Variants in EFNA5 observed in about 807,000 individuals in gnomAD.
EFNA5 encodes the protein ephrin-A5.
In EFNA5, 5 loss-of-function variants were observed where a neutral mutation model predicts 22.9. That is an observed-to-expected ratio of 0.22 (90% CI 0.11 to 0.46). The LOEUF is 0.46. EFNA5 is among the 20% of genes least tolerant of loss of function. EFNA5 has a pLI of 0.99. For missense variants in EFNA5, 237 were observed against 293.3 expected (o/e 0.81, Z 1.40); for synonymous variants, 113 against 112.2 (o/e 1.01, Z -0.04).
chr5:107,403,731 A>G (rs1386315807), intron 2 of EFNA5, among the ~76,000 whole-genome samples: 1 of 152,200 alleles, frequency 6.6e-6, no homozygotes, highest in African/African-American at 2.4e-5. Context: ...AGATTTTTCA[A>G]AGGTTATTCA....
chr5:107,417,075 G>C (rs1207443258), intron 2 of EFNA5, among the ~76,000 whole-genome samples: 3 of 152,026 alleles, frequency 2.0e-5, no homozygotes, highest in African/African-American at 4.8e-5. Context: ...AATTGGGCAA[G>C]TTAAAAACAA....
At chr5:107,480,029 A>C (rs1485906281) in intron 1 of EFNA5, among the ~76,000 whole-genome samples, 1 of 152,246 alleles carries the variant, frequency 6.6e-6, no homozygotes, top group Non-Finnish European at 1.5e-5. Context: ...ATACTGATTT[A>C]ATTCTACAAT....
intron 1 of EFNA5, among the ~76,000 whole-genome samples, chr5:107,536,352 T>A (rs1438752548): frequency 6.6e-6 from 1 of 152,210 alleles, no homozygotes; most frequent in Non-Finnish European, 1.5e-5. Flanking sequence ...TGATATTTTT[T>A]CTTTAGCAAC....
At chr5:107,444,828 A>T (rs152597) in intron 1 of EFNA5, among the ~76,000 whole-genome samples, 56,054 of 151,910 alleles carry the variant, frequency 0.37, 10,403 homozygotes, top group East Asian at 0.53. Flanking sequence ...GTTTCCTATG[A>T]ATTTGCTCCC....
intron 1 of EFNA5, among the ~76,000 whole-genome samples, chr5:107,522,999 T>C (rs2112444810): frequency 6.6e-6 from 1 of 152,332 alleles, no homozygotes; most frequent in South Asian, 2.1e-4. Flanking sequence ...TAATTTCCAC[T>C]GATACAGATT....
At chr5:107,634,025 G>T (rs1750317147) in intron 1 of EFNA5, among the ~76,000 whole-genome samples, 1 of 152,170 alleles carries the variant, frequency 6.6e-6, no homozygotes, top group South Asian at 2.1e-4. Flanking sequence ...AAGTTATTCA[G>T]ACTTTAACAA....
intron 1 of EFNA5, among the ~76,000 whole-genome samples, chr5:107,590,137 G>A (rs1244217217): frequency 1.3e-5 from 2 of 152,090 alleles, no homozygotes; most frequent in African/African-American, 4.8e-5. Context: ...GTCATATTGA[G>A]CCATCTACCA....
chr5:107,656,687 T>G (rs1343515979), intron 1 of EFNA5, among the ~76,000 whole-genome samples: 5 of 152,134 alleles, frequency 3.3e-5, no homozygotes, highest in Non-Finnish European at 7.4e-5. Context: ...TTATATCAGT[T>G]TTTAAAGTCC....
chr5:107,429,467 T>C (rs1748891852), intron 1 of EFNA5, among the ~76,000 whole-genome samples: 1 of 151,884 alleles, frequency 6.6e-6, no homozygotes, highest in African/African-American at 2.4e-5. Flanking sequence ...AAGAAAGAAA[T>C]AGACCACCTT....
chr5:107,580,336 T>C (rs754408442), intron 1 of EFNA5, among the ~76,000 whole-genome samples: 6 of 152,222 alleles, frequency 3.9e-5, no homozygotes, highest in Non-Finnish European at 5.9e-5. Context: ...TCAACTCATT[T>C]TCTCCAGCTA....
chr5:107,614,662 T>G (rs966863012), intron 1 of EFNA5, among the ~76,000 whole-genome samples: 1 of 152,152 alleles, frequency 6.6e-6, no homozygotes, highest in Non-Finnish European at 1.5e-5. Context: ...GCTTTCAGGA[T>G]AGTCATGCCA....
chr5:107,561,425 A>G (rs1200220041), intron 1 of EFNA5, among the ~76,000 whole-genome samples: 5 of 152,034 alleles, frequency 3.3e-5, no homozygotes, highest in South Asian at 2.1e-4. Flanking sequence ...CTGGAGTGCA[A>G]TGGCGCTATC....
intron 1 of EFNA5, among the ~76,000 whole-genome samples, chr5:107,527,370 T>C (rs1020897569): frequency 2.0e-5 from 3 of 151,476 alleles, no homozygotes; most frequent in African/African-American, 7.3e-5. Flanking sequence ...CACTGCAACA[T>C]CTGCCTCCCA....
chr5:107,398,446 C>A (rs1293276933), intron 2 of EFNA5, among the ~76,000 whole-genome samples: 2 of 152,114 alleles, frequency 1.3e-5, no homozygotes, highest in East Asian at 1.9e-4. Context: ...AAGGCAGGAG[C>A]CATGCCAAGT....
At chr5:107,423,713 G>A (rs1748734719) in intron 2 of EFNA5, among the ~76,000 whole-genome samples, 1 of 152,080 alleles carries the variant, frequency 6.6e-6, no homozygotes, top group Non-Finnish European at 1.5e-5. Flanking sequence ...AATAACTCCT[G>A]TAGATTAAAA....
chr5:107,399,663 C>T (rs1009910516), intron 2 of EFNA5, among the ~76,000 whole-genome samples: 5 of 152,176 alleles, frequency 3.3e-5, no homozygotes, highest in Non-Finnish European at 7.3e-5. Context: ...TCATGAAGAT[C>T]AGAGAAACCT....
At chr5:107,526,768 T>TA (rs1747702388) in intron 1 of EFNA5, among the ~76,000 whole-genome samples, 1 of 152,168 alleles carries the variant, frequency 6.6e-6, no homozygotes, top group African/African-American at 2.4e-5. Flanking sequence ...GGTCATGTAG[T>TA]AAAAATGGAA....
intron 1 of EFNA5, among the ~76,000 whole-genome samples, chr5:107,525,521 T>C (rs1415823369): frequency 2.0e-5 from 3 of 152,320 alleles, no homozygotes; most frequent in Non-Finnish European, 2.9e-5. Context: ...GTTTTACTGA[T>C]AACATAAACA....
Position 107,380,953 on chromosome 5 carries a change from G to T in EFNA5, c.*302C>A. Reference sequence around the variant, plus strand: ...TAGAGGAGAATGCACAGGAGCTGACGAACCACTGGTGTCACTATGACAATT... The same window carrying T: ...TAGAGGAGAATGCACAGGAGCTGACTAACCACTGGTGTCACTATGACAATT... On this transcript the variant is annotated 3_prime_UTR_variant, in exon 5 of 5. Coordinates refer to ENST00000333274, the MANE Select transcript of EFNA5 (RefSeq NM_001962.3). The T allele has an allele frequency of 2.7e-6, 1 of 375,544 alleles. No individual in the cohort carries two copies. Among genetic ancestry groups the T allele is most frequent in the Non-Finnish European group, 4.8e-6 (1 of 208,006 alleles). 23.3% of individuals were successfully genotyped at this position (375,544 alleles called of 1,614,324 possible). A position where few individuals can be genotyped will look rare whatever the true frequency, so the allele number is the denominator to read the frequency against.
Sources: gnomAD v4.1 joint callset for allele counts (sites outside exome capture counted in the v4.1 genomes callset) on GRCh38, gnomAD v4.1.1 for gene constraint, MANE v1.5 for transcripts, NCBI Gene and HGNC (gene_info 2026-07-23, HGNC 2026-07-21) for gene names.